Variants in IFT74 observed in about 807,000 individuals in gnomAD.
IFT74 encodes intraflagellar transport 74.
IFT74 carries 92 observed loss-of-function variants against 96.7 expected under a neutral mutation model. That is an observed-to-expected ratio of 0.95 (90% CI 0.80 to 1.13). The LOEUF (loss-of-function observed/expected upper bound fraction) is 1.13, where lower values mean the gene tolerates loss of function less well. Among genes scored for constraint, IFT74 ranks in the 50% most tolerant of loss-of-function variants. The probability of loss-of-function intolerance (pLI) is 0.00; values close to 1 mark genes in which losing one functional copy is unlikely to be tolerated. For missense variants in IFT74, 811 were observed against 698.2 expected, an observed-to-expected ratio of 1.16 and a Z score of -1.82; for synonymous variants, 223 against 213.2, an observed-to-expected ratio of 1.05 and a Z score of -0.40.
At chr9:26,970,705 T>C (rs572426373) in intron 2 of IFT74, among the ~76,000 whole-genome samples, 1 of 152,358 alleles carries the variant, frequency 6.6e-6, no homozygotes, top group South Asian at 2.1e-4. Context: ...CTCATTTTAT[T>C]TGAATTTGTA....
chr9:27,056,906 A>AGAT (rs200684103), intron 18 of IFT74, among the ~76,000 whole-genome samples: 1 of 150,648 alleles, frequency 6.6e-6, no homozygotes. Context: ...ATAGATAGAT[A>AGAT]TGTGTATACA....
At chr9:26,979,703 C>CA (rs1827276004) in intron 3 of IFT74, among the ~76,000 whole-genome samples, 1 of 75,454 alleles carries the variant, frequency 1.3e-5, no homozygotes, top group Non-Finnish European at 2.6e-5. Context: ...GGAACACTTT[C>CA]TTTTTTTTTT....
intron 1 of IFT74, among the ~76,000 whole-genome samples, chr9:26,958,678 CAT>C (rs1006349530): frequency 1.4e-4 from 21 of 152,264 alleles, no homozygotes; most frequent in African/African-American, 4.8e-4. Context: ...GTTTGGATTA[CAT>C]ATGTTTATTT....
intron 8 of IFT74, among the ~76,000 whole-genome samples, chr9:27,004,040 C>T (rs755142451): frequency 1.3e-5 from 2 of 151,496 alleles, no homozygotes; most frequent in Non-Finnish European, 2.9e-5. Flanking sequence ...TTTCCAGAAA[C>T]AAATAGGATG....
intron 10 of IFT74, among the ~76,000 whole-genome samples, chr9:27,014,374 T>A (rs564922552): frequency 6.6e-6 from 1 of 152,286 alleles, no homozygotes; most frequent in South Asian, 2.1e-4. Context: ...TTCCTCATGG[T>A]TCTTTTTTGG....
At chr9:26,958,188 T>C (rs1356866116) in intron 1 of IFT74, among the ~76,000 whole-genome samples, 1 of 152,238 alleles carries the variant, frequency 6.6e-6, no homozygotes, top group East Asian at 1.9e-4. Flanking sequence ...ATAAAGATGA[T>C]TAAGATTCAG....
intron 10 of IFT74, among the ~76,000 whole-genome samples, chr9:27,015,458 G>A (rs1226753497): frequency 6.6e-6 from 1 of 152,082 alleles, no homozygotes; most frequent in East Asian, 1.9e-4. Context: ...CCAACATGGT[G>A]AAACCCCATC....
At chr9:26,993,470 T>C (rs1055565236) in intron 8 of IFT74, 1 of 152,572 alleles carries the variant, frequency 6.6e-6, no homozygotes, top group Non-Finnish European at 1.5e-5. Flanking sequence ...AAATATGTAT[T>C]ATAAATTAGT....
Position 27,003,928 on chromosome 9 carries a change from CTTGT to C in IFT74, c.588-5089_588-5086del, listed in dbSNP as rs546099060. Among the ~76,000 whole-genome samples, 469 of 152,310 alleles carry C rather than the reference CTTGT, an allele frequency of 3.1e-3. 1 individual carries two copies. Among genetic ancestry groups the C allele is most frequent in the Non-Finnish European group, 5.2e-3 (351 of 68,020 alleles). On this transcript the variant is annotated intron_variant, in intron 8 of 19. Transcript: ENST00000380062. ...AATAGGTGTTCAGCTCCTTCAATGG[CTTGT>C]TTCAGTATTTCTCAATGATGTGGTG...
chr9:26,963,041 C>T (rs1200395660), intron 2 of IFT74, among the ~76,000 whole-genome samples: 2 of 150,972 alleles, frequency 1.3e-5, no homozygotes, highest in African/African-American at 4.9e-5. Flanking sequence ...ATGTGCCATG[C>T]TGGTGTGCTG....
chr9:27,048,131 T>A lies in IFT74; in HGVS notation c.1207-17T>A. On this transcript the variant is annotated splice_polypyrimidine_tract_variant and intron_variant, in intron 15 of 19. Coordinates refer to ENST00000380062, the MANE Select transcript of IFT74 (RefSeq NM_025103.4). Reference sequence around the variant, plus strand: ...ATCAGTGGATTTTTTTCTATTTTTATTTCTCTGCAAATGCAGAATATAAAT... The same window carrying A: ...ATCAGTGGATTTTTTTCTATTTTTAATTCTCTGCAAATGCAGAATATAAAT... 6.5e-7 allele frequency: 1 copy of A among 1,532,954 alleles called. No homozygotes were observed. Among genetic ancestry groups the A allele is most frequent in the Non-Finnish European group, 8.8e-7 (1 of 1,134,460 alleles). 95.0% of individuals were successfully genotyped at this position (1,532,954 alleles called of 1,614,324 possible). A position where few individuals can be genotyped will look rare whatever the true frequency, so the allele number is the denominator to read the frequency against.
intron 8 of IFT74, among the ~76,000 whole-genome samples, chr9:27,002,765 C>A (rs763326724): frequency 2.0e-5 from 3 of 152,052 alleles, no homozygotes; most frequent in Non-Finnish European, 2.9e-5. Context: ...GTTGTTTTAG[C>A]TATTTGGGAT....
chr9:27,056,861 T>TAGAC (rs1820185022), intron 18 of IFT74, among the ~76,000 whole-genome samples: 1 of 66,386 alleles, frequency 1.5e-5, no homozygotes, highest in Non-Finnish European at 3.3e-5. Flanking sequence ...AGTCAATGGA[T>TAGAC]AGATAGATAG....
intron 14 of IFT74, among the ~76,000 whole-genome samples, chr9:27,045,131 A>C (rs975364314): frequency 2.0e-5 from 3 of 152,240 alleles, no homozygotes; most frequent in African/African-American, 7.2e-5. Context: ...GAGGTGAGCC[A>C]CTGGCAAGCG....
rs1194926157 is a variant in IFT74, at chr9:26,947,153, G to A, written c.-20+7G>A. The A allele has an allele frequency of 6.1e-6, 8 of 1,302,280 alleles. No individual in the cohort carries two copies. The East Asian group carries it at 2.1e-4, about 34-fold the overall frequency. The allele number at this position is 1,302,280 out of a possible 1,614,324, so 80.7% of individuals were successfully genotyped here. On this transcript the variant is annotated splice_region_variant and intron_variant, in intron 1 of 19. Coordinates refer to the IFT74 transcript ENST00000433700. Reference sequence around the variant, plus strand: ...GCGGGAGAAGAGCCTGCAGGTAAGGGGCGGCCGGAGACCGGAAGAGCCCGA... The same window carrying A: ...GCGGGAGAAGAGCCTGCAGGTAAGGAGCGGCCGGAGACCGGAAGAGCCCGA...
chr9:26,990,369 T>G (rs1250896397), intron 8 of IFT74, among the ~76,000 whole-genome samples, 174 bp downstream of exon 8: 1 of 152,200 alleles, frequency 6.6e-6, no homozygotes, highest in African/African-American at 2.4e-5. Context: ...TCATTTACCA[T>G]TAAATACCTA....
At chr9:26,947,493 T>G in intron 1 of IFT74, 1 of 156,816 alleles carries the variant, frequency 6.4e-6, no homozygotes, top group African/African-American at 2.4e-5. Context: ...GGGACTACAA[T>G]TCCCATAATG....
intron 10 of IFT74, among the ~76,000 whole-genome samples, chr9:27,012,708 G>GTTTTTGTTTTTTTT (rs1563974337): frequency 1.9e-5 from 1 of 53,866 alleles, no homozygotes; most frequent in African/African-American, 8.2e-5. Flanking sequence ...AAAAATGTCT[G>GTTTTTGTTTTTTTT]TTTTTTTTTT....
At chr9:26,947,271 C>T (rs1036488911) in intron 1 of IFT74, 4 of 542,888 alleles carry the variant, frequency 7.4e-6, no homozygotes, top group African/African-American at 4.0e-5. Context: ...CATCATCGGC[C>T]TCAGCCCTCC....
Sources: allele counts gnomAD v4.1 joint callset (sites outside exome capture counted in the v4.1 genomes callset), GRCh38; gene constraint gnomAD v4.1.1; transcripts MANE v1.5; gene names NCBI Gene and HGNC (gene_info 2026-07-23, HGNC 2026-07-21).